SEMA6D: variants seen among roughly 807,000 people sequenced by gnomAD.
SEMA6D encodes semaphorin 6D, also known as semaphorin-6D.
A neutral mutation model predicts 106.6 loss-of-function variants in SEMA6D; 35 were observed. That is an observed-to-expected ratio of 0.33 (90% CI 0.25 to 0.44). The LOEUF (loss-of-function observed/expected upper bound fraction) is 0.44, where lower values mean the gene tolerates loss of function less well. Ranked by LOEUF, SEMA6D falls within the 20% of genes least tolerant of loss-of-function variation. SEMA6D has a pLI of 1.00. For missense variants in SEMA6D, 1,185 were observed against 1,345.9 expected (o/e 0.88, Z 1.87); for synonymous variants, 499 against 487.7 (o/e 1.02, Z -0.31).
chr15:47,388,121 T>A (rs1320134746), intron 1 of SEMA6D, among the ~76,000 whole-genome samples: 1 of 152,154 alleles, frequency 6.6e-6, no homozygotes, highest in Non-Finnish European at 1.5e-5. Flanking sequence ...ATCAAATCCA[T>A]AGAATATGCA....
chr15:47,501,711 T>G (rs1459937609), intron 3 of SEMA6D, among the ~76,000 whole-genome samples: 1 of 152,060 alleles, frequency 6.6e-6, no homozygotes, highest in Admixed American at 6.6e-5. Flanking sequence ...TGAATATGAG[T>G]TCTTTAATAA....
intron 3 of SEMA6D, among the ~76,000 whole-genome samples, chr15:47,519,559 G>T (rs1316729324): frequency 6.6e-6 from 1 of 152,090 alleles, no homozygotes; most frequent in Non-Finnish European, 1.5e-5. Flanking sequence ...GAAAATATGA[G>T]ACTAGACAGG....
intron 3 of SEMA6D, among the ~76,000 whole-genome samples, chr15:47,512,930 G>A (rs181187805): frequency 5.3e-5 from 8 of 152,320 alleles, no homozygotes; most frequent in African/African-American, 1.9e-4. Context: ...CATGCAGTGG[G>A]GAGAGGTGGC....
chr15:47,766,938 GTC>G, intron 16 of SEMA6D, 97 bp from the exon 17 acceptor site: 3 of 664,936 alleles, frequency 4.5e-6, no homozygotes, highest in South Asian at 2.1e-5. Context: ...TTAATTTATA[GTC>G]TTTTTTTTTT....
At chr15:47,384,362 C>T (rs1004857055) in intron 1 of SEMA6D, among the ~76,000 whole-genome samples, 1 of 152,216 alleles carries the variant, frequency 6.6e-6, no homozygotes, top group African/African-American at 2.4e-5. Context: ...TTCCCCACTT[C>T]ACCTTTCTCT....
chr15:47,474,853 G>C (rs1179916344), intron 3 of SEMA6D, among the ~76,000 whole-genome samples: 3 of 152,168 alleles, frequency 2.0e-5, no homozygotes, highest in Non-Finnish European at 4.4e-5. Context: ...TGCAGACTAA[G>C]AGAATGAAAG....
At chr15:47,764,565 C>A in intron 11 of SEMA6D, 73 bp from the exon 12 acceptor site, 1 of 1,576,730 alleles carries the variant, frequency 6.3e-7, no homozygotes, top group Non-Finnish European at 8.6e-7. Context: ...AGAATATACA[C>A]TTATTCCTTA....
chr15:47,623,279 C>T (rs2077142139), intron 4 of SEMA6D, among the ~76,000 whole-genome samples: 1 of 152,156 alleles, frequency 6.6e-6, no homozygotes, highest in Non-Finnish European at 1.5e-5. Context: ...TTATTTGTAG[C>T]TAAAGTAATG....
intron 2 of SEMA6D, among the ~76,000 whole-genome samples, chr15:47,449,937 T>A (rs1486866830): frequency 6.6e-6 from 1 of 152,088 alleles, no homozygotes; most frequent in Admixed American, 6.6e-5. Context: ...TATTTTAAAA[T>A]GTTACAGAGA....
At chr15:47,722,428 G>T (rs1023676877) in intron 1 of SEMA6D, among the ~76,000 whole-genome samples, 1 of 152,102 alleles carries the variant, frequency 6.6e-6, no homozygotes, top group Non-Finnish European at 1.5e-5. Flanking sequence ...TATGGGGCCC[G>T]TGTGTACTAG....
intron 1 of SEMA6D, among the ~76,000 whole-genome samples, chr15:47,387,664 A>C (rs2039886442): frequency 1.3e-5 from 2 of 152,244 alleles, no homozygotes; most frequent in Admixed American, 6.5e-5. Context: ...AAGAAGAAAA[A>C]TCAGAAATAA....
At chr15:47,199,425 C>A (rs1894569635) in intron 1 of SEMA6D, among the ~76,000 whole-genome samples, 1 of 152,042 alleles carries the variant, frequency 6.6e-6, no homozygotes, top group African/African-American at 2.4e-5. Context: ...CCACTTAGAG[C>A]TCTGTACTCT....
intron 1 of SEMA6D, among the ~76,000 whole-genome samples, chr15:47,736,363 C>T (rs1309269936): frequency 6.6e-6 from 1 of 152,198 alleles, no homozygotes; most frequent in East Asian, 1.9e-4. Flanking sequence ...TCACCCTTAT[C>T]TGCTATGATT....
At chr15:47,661,076 C>T (rs1274327580) in intron 4 of SEMA6D, among the ~76,000 whole-genome samples, 2 of 152,192 alleles carry the variant, frequency 1.3e-5, no homozygotes, top group African/African-American at 4.8e-5. Context: ...CTTTCCTGGT[C>T]AACTTTAGAT....
intron 1 of SEMA6D, among the ~76,000 whole-genome samples, chr15:47,381,298 C>G (rs1218123424): frequency 6.6e-6 from 1 of 152,224 alleles, no homozygotes; most frequent in African/African-American, 2.4e-5. Flanking sequence ...ATATTCGTGG[C>G]TTTGGCTCAT....
At chr15:47,755,364 G>A (rs2081658136) in intron 1 of SEMA6D, among the ~76,000 whole-genome samples, 1 of 151,872 alleles carries the variant, frequency 6.6e-6, no homozygotes, top group Admixed American at 6.6e-5. Context: ...ACATATGTTT[G>A]GTAACTCTAA....
At chr15:47,687,241 G>A (rs1465629273) in intron 4 of SEMA6D, among the ~76,000 whole-genome samples, 1 of 152,086 alleles carries the variant, frequency 6.6e-6, no homozygotes, top group Admixed American at 6.5e-5. Flanking sequence ...GCCTGCCACT[G>A]TACCAGGCAC....
At chr15:47,597,889 C>T (rs1248591393) in intron 3 of SEMA6D, among the ~76,000 whole-genome samples, 1 of 149,854 alleles carries the variant, frequency 6.7e-6, no homozygotes, top group African/African-American at 2.4e-5. Context: ...AAAATAACAT[C>T]ACTGTGTACC....
At chr15:47,281,745 C>G (rs139057263) in intron 1 of SEMA6D, among the ~76,000 whole-genome samples, 65 of 152,102 alleles carry the variant, frequency 4.3e-4, no homozygotes, top group African/African-American at 1.4e-3. Flanking sequence ...GATGGAAAAC[C>G]AAAATATTCA....
Sources: allele counts gnomAD v4.1 joint callset (sites outside exome capture counted in the v4.1 genomes callset), GRCh38; gene constraint gnomAD v4.1.1; transcripts MANE v1.5; gene names NCBI Gene and HGNC (gene_info 2026-07-23, HGNC 2026-07-21).